ZBTB16: variants seen among roughly 807,000 people sequenced by gnomAD.
ZBTB16 encodes zinc finger and BTB domain containing 16.
Under a neutral mutation model 56.8 loss-of-function variants are expected in ZBTB16, and 8 were observed. That is an observed-to-expected ratio of 0.14 (90% CI 0.08 to 0.25). The LOEUF (loss-of-function observed/expected upper bound fraction) is 0.25, where lower values mean the gene tolerates loss of function less well. Among genes scored for constraint, ZBTB16 ranks in the 10% least tolerant of loss-of-function variants. The pLI, the probability that ZBTB16 is intolerant of heterozygous loss-of-function variation, is 1.00. For synonymous variants in ZBTB16, 363 were observed against 368.5 expected, an observed-to-expected ratio of 0.98 and a Z score of 0.17; for missense variants, 625 against 903.0, an observed-to-expected ratio of 0.69 and a Z score of 3.95.
chr11:114,133,086 G>A (rs769910968), intron 2 of ZBTB16, among the ~76,000 whole-genome samples: 5 of 152,164 alleles, frequency 3.3e-5, no homozygotes, highest in Admixed American at 1.3e-4. Context: ...GCTACTCACA[G>A]TGCTGGTAAC....
At chr11:114,201,429 C>T (rs920002609) in intron 4 of ZBTB16, among the ~76,000 whole-genome samples, 10 of 152,158 alleles carry the variant, frequency 6.6e-5, no homozygotes, top group East Asian at 3.8e-4. Flanking sequence ...AACCACCGAC[C>T]GCCGTGGCAG....
At chr11:114,219,072 G>A (rs188823330) in intron 4 of ZBTB16, among the ~76,000 whole-genome samples, 61 of 152,314 alleles carry the variant, frequency 4.0e-4, no homozygotes, top group Admixed American at 3.9e-3. Context: ...GTGTATGCAT[G>A]TACGTGCGTG....
intron 2 of ZBTB16, among the ~76,000 whole-genome samples, chr11:114,140,421 G>A (rs1591707225): frequency 6.6e-6 from 1 of 152,192 alleles, no homozygotes; most frequent in Non-Finnish European, 1.5e-5. Context: ...TGCTTTGGTT[G>A]TATCCTTCAC....
intron 3 of ZBTB16, among the ~76,000 whole-genome samples, chr11:114,162,799 A>C (rs1942627399): frequency 6.6e-6 from 1 of 152,162 alleles, no homozygotes; most frequent in Admixed American, 6.5e-5. Flanking sequence ...TTCGGTCCGC[A>C]TGGGTGATGC....
chr11:114,144,808 A>G (rs1942055856), intron 2 of ZBTB16, among the ~76,000 whole-genome samples: 1 of 152,234 alleles, frequency 6.6e-6, no homozygotes, highest in South Asian at 2.1e-4. Context: ...GACCAAATCA[A>G]AGCTGGCTTC....
chr11:114,118,453 G>T (rs1941243946), intron 2 of ZBTB16, among the ~76,000 whole-genome samples: 1 of 152,154 alleles, frequency 6.6e-6, no homozygotes, highest in Non-Finnish European at 1.5e-5. Flanking sequence ...TGGGATTACA[G>T]GTGTGAGCCA....
In ZBTB16 at chr11:114,254,184, T is replaced by G. The variant is rs571328861; in HGVS notation, c.*3629T>G. 5.3e-5 allele frequency among the ~76,000 whole-genome samples: 8 copies of G among 150,634 alleles called. No homozygotes were observed. Among genetic ancestry groups the G allele is most frequent in the African/African-American group, 1.5e-4 (6 of 41,210 alleles). ...ATAGACAAATATATAGATATATAGA[T>G]ATATATATATATAGCAAGAGATTGA... On this transcript the variant is annotated 3_prime_UTR_variant, in exon 7 of 7. Coordinates refer to ENST00000335953, the MANE Select transcript of ZBTB16 (RefSeq NM_006006.6).
chr11:114,131,518 G>A (rs1941659624), intron 2 of ZBTB16, among the ~76,000 whole-genome samples: 2 of 152,190 alleles, frequency 1.3e-5, no homozygotes, highest in Admixed American at 6.5e-5. Context: ...AAGCCTGCCA[G>A]TTTGCAGATA....
chr11:114,207,738 T>G (rs1943915310), intron 4 of ZBTB16, among the ~76,000 whole-genome samples: 1 of 152,072 alleles, frequency 6.6e-6, no homozygotes, highest in African/African-American at 2.4e-5. Context: ...CTCGGCCTCC[T>G]GAGTAGCTGG....
intron 2 of ZBTB16, among the ~76,000 whole-genome samples, chr11:114,095,253 T>G (rs921814766): frequency 7.7e-6 from 1 of 129,876 alleles, no homozygotes; most frequent in Admixed American, 7.6e-5. Context: ...TTCTTTTTTT[T>G]TTTTTTTTTT....
rs529463776 is a variant in ZBTB16 at position 114,065,092 on chromosome 11, T to A, written c.1268+524T>A. On this transcript the variant is annotated intron_variant, in intron 2 of 6. Coordinates refer to ENST00000335953, the MANE Select transcript of ZBTB16 (RefSeq NM_006006.6). ...GAGCAGCTGCAGGTTCTGAACCTTA[T>A]TCCTGGTGAAAGTTAATCTCCTTGC... 9.2e-5 allele frequency among the ~76,000 whole-genome samples: 14 copies of A among 152,304 alleles called. No homozygotes were observed. In the East Asian group the frequency reaches 1.4e-3, roughly 15 times the overall value.
chr11:114,232,025 G>C (rs139140559), intron 4 of ZBTB16, among the ~76,000 whole-genome samples: 7 of 152,272 alleles, frequency 4.6e-5, no homozygotes, highest in Non-Finnish European at 1.0e-4. Context: ...GTTCAGTTGG[G>C]AGTCTGCAGT....
chr11:114,122,448 G>GTAT (rs1941371499), intron 2 of ZBTB16, among the ~76,000 whole-genome samples: 1 of 151,178 alleles, frequency 6.6e-6, no homozygotes, highest in South Asian at 2.1e-4. Flanking sequence ...ATGTAAATGT[G>GTAT]TATTACATAG....
chr11:114,233,022 C>T, intron 4 of ZBTB16, among the ~76,000 whole-genome samples: 1 of 145,470 alleles, frequency 6.9e-6, no homozygotes, highest in South Asian at 2.3e-4. Context: ...TTACTTTCCA[C>T]CCCAACTCAT....
chr11:114,093,033 G>C (rs1480467684), intron 2 of ZBTB16, among the ~76,000 whole-genome samples: 1 of 152,114 alleles, frequency 6.6e-6, no homozygotes, highest in Non-Finnish European at 1.5e-5. Context: ...TTTTAAAGAA[G>C]ATTAAAAAAC....
intron 3 of ZBTB16, among the ~76,000 whole-genome samples, chr11:114,171,924 G>T (rs1056605161): frequency 6.6e-6 from 1 of 152,268 alleles, no homozygotes; most frequent in Non-Finnish European, 1.5e-5. Context: ...GCCTCTGCCT[G>T]CTGAAGAGCA....
chr11:114,250,198 C>A lies in ZBTB16; in HGVS notation c.1793-128C>A. The A allele has an allele frequency of 9.8e-7, 1 of 1,021,948 alleles. No individual in the cohort carries two copies. The allele number at this position is 1,021,948 out of a possible 1,614,324, so 63.3% of individuals were successfully genotyped here. On this transcript the variant is annotated intron_variant, in intron 6 of 6. Transcript: ENST00000335953. The surrounding 1 kb of genome is among the most constrained non-coding windows in gnomAD (Gnocchi z 6.0). ...GTCTTGGGTGGTGCCTTCATTGTCC[C>A]AGAAAGTTCTGTTGGAGCAAGCCCA...
chr11:114,224,845 G>A (rs1360226843), intron 4 of ZBTB16, among the ~76,000 whole-genome samples: 1 of 152,234 alleles, frequency 6.6e-6, no homozygotes, highest in Non-Finnish European at 1.5e-5. Context: ...CCCCTAAGAG[G>A]CAGACTAAAA....
At chr11:114,167,391 T>G (rs1019276690) in intron 3 of ZBTB16, among the ~76,000 whole-genome samples, 2 of 130,514 alleles carry the variant, frequency 1.5e-5, no homozygotes, top group African/African-American at 3.0e-5. Context: ...TTTTTGTTTT[T>G]TTTTTTTTTT....
Sources: allele counts gnomAD v4.1 joint callset (sites outside exome capture counted in the v4.1 genomes callset), GRCh38; gene constraint gnomAD v4.1.1; non-coding constraint Gnocchi (gnomAD v3.1); transcripts MANE v1.5; gene names NCBI Gene and HGNC (gene_info 2026-07-23, HGNC 2026-07-21).